Variants in OPCML observed in about 807,000 individuals in gnomAD.
OPCML encodes opioid binding protein/cell adhesion molecule like, also known as opioid-binding protein/cell adhesion molecule.
A neutral mutation model predicts 37.8 loss-of-function variants in OPCML; 13 were observed. That is an observed-to-expected ratio of 0.34 (90% CI 0.22 to 0.55). The LOEUF (loss-of-function observed/expected upper bound fraction) is 0.55. Ranked by LOEUF, OPCML falls within the 20% of genes least tolerant of loss-of-function variation. The pLI, the probability that OPCML is intolerant of heterozygous loss-of-function variation, is 0.91. For missense variants in OPCML, 341 were observed against 435.6 expected (o/e 0.78, Z 1.93); for synonymous variants, 176 against 168.8 (o/e 1.04, Z -0.33).
In OPCML at chr11:132,943,169, G is replaced by GGAA; in HGVS notation, c.62-162_62-160dup. On this transcript the variant is annotated intron_variant, in intron 1 of 7. Coordinates refer to ENST00000524381, the MANE Select transcript of OPCML (RefSeq NM_001012393.5). The surrounding 1 kb of genome is among the most constrained non-coding windows in gnomAD (Gnocchi z 4.3). ...CCCGCCCCGCGCACCAGCGGGCTCG[G>GGAA]GAAGCGGTGCGGGGAGGAGGGAAGG... 1.3e-6 allele frequency: 2 copies of GGAA among 1,598,026 alleles called. No individual in the cohort carries two copies. The highest frequency in any genetic ancestry group is 1.7e-6 in the Non-Finnish European group (2 of 1,168,716).
chr11:133,183,249 G>A (rs1002861398), intron 1 of OPCML, among the ~76,000 whole-genome samples: 3 of 152,122 alleles, frequency 2.0e-5, no homozygotes, highest in African/African-American at 4.8e-5. Flanking sequence ...AATAAGAAAC[G>A]CACACTGACT....
At chr11:133,223,424 T>A (rs1281704518) in intron 1 of OPCML, among the ~76,000 whole-genome samples, 1 of 152,170 alleles carries the variant, frequency 6.6e-6, no homozygotes, top group Admixed American at 6.5e-5. Flanking sequence ...GTTTTATTTT[T>A]CTTGTTTCTT....
chr11:132,925,956 A>G (rs1944976312), intron 2 of OPCML, among the ~76,000 whole-genome samples: 1 of 152,182 alleles, frequency 6.6e-6, no homozygotes, highest in Non-Finnish European at 1.5e-5. Flanking sequence ...GCTAGAACAC[A>G]GTGAGCACAC....
intron 1 of OPCML, among the ~76,000 whole-genome samples, chr11:133,481,584 T>A (rs1947373138): frequency 6.6e-6 from 1 of 152,208 alleles, no homozygotes; most frequent in Admixed American, 6.5e-5. Flanking sequence ...AGATCATGTA[T>A]CTTAAATCAG....
intron 1 of OPCML, among the ~76,000 whole-genome samples, chr11:132,964,433 A>T (rs756280229): frequency 2.0e-5 from 3 of 152,196 alleles, no homozygotes; most frequent in Non-Finnish European, 4.4e-5. Context: ...CTGAGTAACT[A>T]TAAGAACTGA....
intron 1 of OPCML, among the ~76,000 whole-genome samples, chr11:133,291,077 G>A (rs577173867): frequency 2.6e-5 from 4 of 152,310 alleles, no homozygotes; most frequent in Non-Finnish European, 5.9e-5. Flanking sequence ...TGCTTCGCTT[G>A]CATGTAACAC....
intron 1 of OPCML, among the ~76,000 whole-genome samples, chr11:133,226,902 T>C (rs1377764726): frequency 6.6e-6 from 1 of 152,202 alleles, no homozygotes; most frequent in Non-Finnish European, 1.5e-5. Context: ...CACCCACTCA[T>C]AGACACATAT....
At chr11:133,213,056 A>G (rs926975169) in intron 1 of OPCML, among the ~76,000 whole-genome samples, 4 of 152,160 alleles carry the variant, frequency 2.6e-5, no homozygotes, top group Admixed American at 6.5e-5. Context: ...AGACACCTCC[A>G]GTAGCTGCCG....
chr11:132,452,445 C>T (rs1398122146), intron 4 of OPCML, among the ~76,000 whole-genome samples: 2 of 152,104 alleles, frequency 1.3e-5, no homozygotes, highest in African/African-American at 4.8e-5. Flanking sequence ...GACGATGAAG[C>T]TGGATCTAAA....
intron 2 of OPCML, among the ~76,000 whole-genome samples, chr11:132,866,804 T>C (rs1045972026): frequency 1.3e-5 from 2 of 152,198 alleles, no homozygotes; most frequent in Non-Finnish European, 2.9e-5. Context: ...TAAAACAAAA[T>C]TCAGGAAACT....
chr11:133,348,917 C>T (rs932390220), intron 1 of OPCML, among the ~76,000 whole-genome samples: 3 of 152,190 alleles, frequency 2.0e-5, no homozygotes, highest in Admixed American at 6.5e-5. Flanking sequence ...AGAGGACCCT[C>T]ACCACAGCTG....
chr11:132,607,421 C>G (rs73049184), intron 3 of OPCML, among the ~76,000 whole-genome samples: 16,498 of 152,140 alleles, frequency 0.11, 1,487 homozygotes, highest in African/African-American at 0.22. Flanking sequence ...CTCTGAAGGG[C>G]CAAACGCCAC....
intron 1 of OPCML, among the ~76,000 whole-genome samples, chr11:133,487,953 G>A (rs753252297): frequency 3.7e-4 from 57 of 152,224 alleles, no homozygotes; most frequent in African/African-American, 1.3e-3. Context: ...TCCCAGGGAT[G>A]CAAGGATGGT....
At chr11:132,531,656 C>T (rs544347716) in intron 3 of OPCML, among the ~76,000 whole-genome samples, 1 of 151,982 alleles carries the variant, frequency 6.6e-6, no homozygotes, top group Non-Finnish European at 1.5e-5. Flanking sequence ...TAGGATTTGG[C>T]CTGAAATTTC....
At position 133,332,551 on chromosome 11, in the gene OPCML, C is replaced by A. The variant is rs564855862; in HGVS notation, c.61+199713G>T. Among the ~76,000 whole-genome samples, 3 of 152,200 alleles carry A rather than the reference C, an allele frequency of 2.0e-5. No individual in the cohort carries two copies. The South Asian group carries it at 6.2e-4, about 32-fold the overall frequency. On this transcript the variant is annotated intron_variant, in intron 1 of 7. Coordinates refer to ENST00000524381, the MANE Select transcript of OPCML (RefSeq NM_001012393.5). ...TCAAGGGCAATGCTTCCAGCTTTTG[C>A]CCATTCAGTAAAATGTTGGCTGTGG...
intron 3 of OPCML, among the ~76,000 whole-genome samples, chr11:132,580,731 C>T (rs550366219): frequency 1.1e-3 from 165 of 152,180 alleles, no homozygotes; most frequent in African/African-American, 3.4e-3. Context: ...TGGTTCTATC[C>T]GGTTCTATCC....
intron 1 of OPCML, chr11:133,006,413 C>A: frequency 2.0e-6 from 2 of 984,242 alleles, no homozygotes; most frequent in East Asian, 1.1e-4. Flanking sequence ...TTTAGCTGAA[C>A]TGAAAAAAAG....
chr11:132,505,987 A>G (rs1290593118), intron 4 of OPCML, among the ~76,000 whole-genome samples: 1 of 151,632 alleles, frequency 6.6e-6, no homozygotes, highest in Non-Finnish European at 1.5e-5. Context: ...AAGAATTTTC[A>G]ACCTCACAGA....
chr11:133,059,936 C>T (rs1028187720), intron 1 of OPCML, among the ~76,000 whole-genome samples: 1 of 152,166 alleles, frequency 6.6e-6, no homozygotes, highest in Non-Finnish European at 1.5e-5. Context: ...TTTTGGAAAA[C>T]TTTAATCAGC....
Sources: allele counts gnomAD v4.1 joint callset (sites outside exome capture counted in the v4.1 genomes callset), GRCh38; gene constraint gnomAD v4.1.1; non-coding constraint Gnocchi (gnomAD v3.1); transcripts MANE v1.5; gene names NCBI Gene and HGNC (gene_info 2026-07-23, HGNC 2026-07-21).